Variants in ZNF609 observed in about 807,000 individuals in gnomAD.
ZNF609 encodes zinc finger protein 609.
In ZNF609, 11 loss-of-function variants were observed where a neutral mutation model predicts 109.5. The ratio of observed to expected loss-of-function variants is 0.10; its 90% CI spans 0.06 to 0.17. The LOEUF is 0.17. ZNF609 is among the 10% of genes least tolerant of loss of function. The probability of loss-of-function intolerance (pLI) is 1.00; values close to 1 mark genes in which losing one functional copy is unlikely to be tolerated. For synonymous variants in ZNF609, 646 were observed against 662.0 expected (o/e 0.98, Z 0.37); for missense variants, 1,559 against 1,772.4 (o/e 0.88, Z 2.16).
At chr15:64,640,425 G>A (rs1198034002) in intron 3 of ZNF609, among the ~76,000 whole-genome samples, 6 of 151,924 alleles carry the variant, frequency 3.9e-5, no homozygotes, top group Admixed American at 1.3e-4. Context: ...GAGTGAAAGG[G>A]TGGTTCAGCT....
chr15:64,640,534 G>A (rs1348486037), intron 3 of ZNF609, among the ~76,000 whole-genome samples: 4 of 152,180 alleles, frequency 2.6e-5, no homozygotes. Flanking sequence ...GCTGAAGAAG[G>A]CCAAAAGGAA....
At chr15:64,577,324 C>CAT (rs369451754) in intron 2 of ZNF609, among the ~76,000 whole-genome samples, 8 of 23,958 alleles carry the variant, frequency 3.3e-4, no homozygotes, top group African/African-American at 5.2e-4. Context: ...TATATATACA[C>CAT]ACAAATATAT....
intron 1 of ZNF609, among the ~76,000 whole-genome samples, chr15:64,478,155 GGTGTGTGTGTGTGTGTGTGTGTGT>G (rs149241970): frequency 7.2e-6 from 1 of 138,196 alleles, no homozygotes; most frequent in African/African-American, 2.7e-5. Flanking sequence ...TTAGAATAAA[GGTGTGTGTGTGTGTGTGTGTGTGT>G]GTGTGTGTGT....
At position 64,535,034 on chromosome 15, in the gene ZNF609, C is replaced by T. The variant is rs1384981448; in HGVS notation, c.747+34868C>T. On this transcript the variant is annotated intron_variant, in intron 2 of 9. Transcript: ENST00000326648. The stretch of plus-strand genomic sequence containing the variant: ...CAGCTTGGGCGACAGAGTGAAACTC[C>T]GTCTCCAAAAAAAAAAAACTGTTAT... Among the ~76,000 whole-genome samples, 6 of 149,758 alleles carry T rather than the reference C, an allele frequency of 4.0e-5. No homozygotes were observed. In the East Asian group the frequency reaches 7.8e-4, roughly 19 times the overall value.
At chr15:64,614,474 T>TC in intron 2 of ZNF609, among the ~76,000 whole-genome samples, 1 of 150,470 alleles carries the variant, frequency 6.6e-6, no homozygotes, top group South Asian at 2.1e-4. Flanking sequence ...GACCTTGTGA[T>TC]CGCCTGCCTC....
In ZNF609 at chr15:64,567,730, C is replaced by T. The variant is rs144589228; in HGVS notation, c.748-55097C>T. On this transcript the variant is annotated intron_variant, in intron 2 of 9. Coordinates refer to ENST00000326648, the MANE Select transcript of ZNF609 (RefSeq NM_015042.2). ...AGGCTGAAGTGCAGTGGCACGATCT[C>T]GGCTCACTGCGACCTCTGTCTCCCG... Among the ~76,000 whole-genome samples, 1,116 of 151,762 alleles carry T rather than the reference C, an allele frequency of 7.4e-3. 14 individuals are homozygous for T. The highest frequency in any genetic ancestry group is 0.026 in the African/African-American group (1,055 of 41,368).
chr15:64,518,160 G>A (rs374509307), intron 2 of ZNF609, among the ~76,000 whole-genome samples: 1 of 152,210 alleles, frequency 6.6e-6, no homozygotes, highest in Non-Finnish European at 1.5e-5. Context: ...ATAACATAGG[G>A]TATTGTGGGT....
chr15:64,477,631 T>TC (rs1428535673), intron 1 of ZNF609, among the ~76,000 whole-genome samples: 1 of 150,850 alleles, frequency 6.6e-6, no homozygotes, highest in African/African-American at 2.4e-5. Context: ...TCCTTTTTTT[T>TC]TTTTTTCTTT....
intron 2 of ZNF609, among the ~76,000 whole-genome samples, chr15:64,525,947 C>T (rs778572842): frequency 4.6e-5 from 7 of 152,106 alleles, no homozygotes; most frequent in Middle Eastern, 3.4e-3. Context: ...CGCCACTAAG[C>T]CCAGCTAATT....
chr15:64,625,928 T>C (rs1233500547), intron 3 of ZNF609, among the ~76,000 whole-genome samples: 3 of 73,622 alleles, frequency 4.1e-5, no homozygotes, highest in African/African-American at 5.4e-5. Context: ...TATATATATA[T>C]ATATATATAG....
intron 3 of ZNF609, among the ~76,000 whole-genome samples, chr15:64,651,672 T>G (rs1896417735): frequency 6.6e-6 from 1 of 152,214 alleles, no homozygotes; most frequent in South Asian, 2.1e-4. Flanking sequence ...GGGCAAACAC[T>G]GTGACAGGAG....
In ZNF609 at chr15:64,685,910, CCATTGTT is replaced by C. The variant is rs1471204936; in HGVS notation, c.*4225_*4231del. ...TACTCTGAAACACAGCCCAACCAAA[CCATTGTT>C]TGGCCGCTTTCTCTTTTCCTCTACC... On this transcript the variant is annotated 3_prime_UTR_variant, in exon 10 of 10. Transcript: ENST00000326648. 2 of 152,188 alleles carry C rather than the reference CCATTGTT, an allele frequency of 1.3e-5. No homozygotes were observed. The highest frequency in any genetic ancestry group is 2.9e-5 in the Non-Finnish European group (2 of 68,048). 9.4% of individuals were successfully genotyped at this position (152,188 alleles called of 1,614,324 possible).
chr15:64,532,995 C>T (rs1894083897), intron 2 of ZNF609, among the ~76,000 whole-genome samples: 1 of 151,832 alleles, frequency 6.6e-6, no homozygotes, highest in Non-Finnish European at 1.5e-5. Context: ...ACTAGCCTCT[C>T]TAGTTTTTTT....
At chr15:64,590,787 A>G (rs573048774) in intron 2 of ZNF609, among the ~76,000 whole-genome samples, 3 of 152,094 alleles carry the variant, frequency 2.0e-5, no homozygotes, top group Admixed American at 6.6e-5. Context: ...GTAGCTTTCA[A>G]TGTCAGTTTA....
At chr15:64,638,457 G>T (rs947398329) in intron 3 of ZNF609, among the ~76,000 whole-genome samples, 2 of 151,734 alleles carry the variant, frequency 1.3e-5, no homozygotes, top group Non-Finnish European at 2.9e-5. Flanking sequence ...CTGAAATTTT[G>T]ATTAGGATCT....
intron 2 of ZNF609, among the ~76,000 whole-genome samples, chr15:64,621,883 G>A (rs552782702): frequency 3.0e-4 from 45 of 151,012 alleles, no homozygotes; most frequent in Admixed American, 2.6e-3. Flanking sequence ...CCACCACTAC[G>A]CCCGGCTAAT....
intron 2 of ZNF609, among the ~76,000 whole-genome samples, chr15:64,541,040 A>AC (rs1172158623): frequency 6.7e-6 from 1 of 150,124 alleles, no homozygotes; most frequent in East Asian, 2.0e-4. Context: ...AAAAAAAAAA[A>AC]AAAAAAACTT....
At chr15:64,634,877 TCCCACCCCTCC>T (rs1275808056) in intron 3 of ZNF609, among the ~76,000 whole-genome samples, 2 of 152,036 alleles carry the variant, frequency 1.3e-5, no homozygotes, top group East Asian at 1.9e-4. Flanking sequence ...ACCTACTTTC[TCCCACCCCTCC>T]CCCACCAAAA....
At chr15:64,646,089 T>C (rs1037130874) in intron 3 of ZNF609, among the ~76,000 whole-genome samples, 5 of 152,180 alleles carry the variant, frequency 3.3e-5, no homozygotes, top group African/African-American at 1.2e-4. Context: ...TGTGAATATA[T>C]GACAGTATTA....
Sources: gnomAD v4.1 joint callset for allele counts (sites outside exome capture counted in the v4.1 genomes callset) on GRCh38, gnomAD v4.1.1 for gene constraint, MANE v1.5 for transcripts, NCBI Gene and HGNC (gene_info 2026-07-23, HGNC 2026-07-21) for gene names.